Variants in INTU observed in about 807,000 individuals in gnomAD.
INTU encodes protein inturned.
INTU carries 68 observed loss-of-function variants against 100.5 expected under a neutral mutation model. The observed-to-expected ratio is 0.68, with a 90% confidence interval of 0.56 to 0.83. INTU has a LOEUF of 0.83. Ranked by LOEUF, INTU falls within the 40% of genes least tolerant of loss-of-function variation. INTU has a pLI of 0.00. For synonymous variants in INTU, 357 were observed against 395.7 expected (o/e 0.90, Z 1.16); for missense variants, 1,071 against 1,114.7 (o/e 0.96, Z 0.56).
chr4:127,677,705 C>T (rs1245569746), intron 6 of INTU, among the ~76,000 whole-genome samples: 1 of 152,114 alleles, frequency 6.6e-6, no homozygotes, highest in Non-Finnish European at 1.5e-5. Context: ...TCTCCTCCTC[C>T]AAAGGAACGC....
At chr4:127,636,412 A>C (rs1267399748) in intron 1 of INTU, among the ~76,000 whole-genome samples, 1 of 152,022 alleles carries the variant, frequency 6.6e-6, no homozygotes, top group Non-Finnish European at 1.5e-5. Context: ...CGAGTTCGAG[A>C]CCAGCCTGGC....
At position 127,682,333 on chromosome 4, in the gene INTU, A is replaced by T. The variant is rs535618288; in HGVS notation, c.1182-2076A>T. Among the ~76,000 whole-genome samples the T allele has an allele frequency of 1.5e-4, 23 of 152,254 alleles. No individual in the cohort carries two copies. In the East Asian group the frequency reaches 4.2e-3, roughly 28 times the overall value. ...TGTTTATTGCAGCACTATTCACAAT[A>T]GCAAAGACTTGGAACCAACCCAAAT... On this transcript the variant is annotated intron_variant, in intron 6 of 15. Transcript: ENST00000335251.
At chr4:127,690,570 T>A (rs2126235793) in intron 8 of INTU, among the ~76,000 whole-genome samples, 1 of 152,318 alleles carries the variant, frequency 6.6e-6, no homozygotes, top group Middle Eastern at 3.4e-3. Flanking sequence ...AGTTAGGAGA[T>A]TAAGAACAAT....
intron 8 of INTU, among the ~76,000 whole-genome samples, chr4:127,691,746 C>T (rs767676578): frequency 2.0e-5 from 3 of 151,562 alleles, no homozygotes; most frequent in African/African-American, 7.3e-5. Flanking sequence ...CTTGCCACCC[C>T]CTGCTCTTTC....
chr4:127,650,790 C>G (rs1018636927), intron 2 of INTU, among the ~76,000 whole-genome samples: 3 of 151,610 alleles, frequency 2.0e-5, no homozygotes, highest in Non-Finnish European at 4.4e-5. Context: ...CCTGAGGAAT[C>G]GCCACACTGA....
At chr4:127,660,126 T>C (rs774428364) in intron 3 of INTU, among the ~76,000 whole-genome samples, 2 of 152,076 alleles carry the variant, frequency 1.3e-5, no homozygotes, top group Admixed American at 1.3e-4. Flanking sequence ...GTGGTTGGGT[T>C]TGCAGTAGTC....
At chr4:127,705,132 A>G (rs773965362) in intron 10 of INTU, among the ~76,000 whole-genome samples, 5 of 152,186 alleles carry the variant, frequency 3.3e-5, no homozygotes, top group Non-Finnish European at 7.3e-5. Context: ...TAAATCTTAT[A>G]TAACATTTAG....
At chr4:127,707,650 TG>T (rs1420401207) in intron 12 of INTU, among the ~76,000 whole-genome samples, 2 of 152,054 alleles carry the variant, frequency 1.3e-5, no homozygotes, top group Non-Finnish European at 2.9e-5. Context: ...TGTCTGTGTG[TG>T]TGTGTGTGTA....
At chr4:127,654,339 A>C (rs1728069220) in intron 2 of INTU, among the ~76,000 whole-genome samples, 1 of 152,218 alleles carries the variant, frequency 6.6e-6, no homozygotes, top group Non-Finnish European at 1.5e-5. Context: ...ACATTTTGGC[A>C]TGATTTTGCA....
Position 127,713,952 on chromosome 4 carries a change from A to G in INTU, c.2576A>G (p.Asn859Ser), listed in dbSNP as rs1560622566. 5.0e-6 allele frequency: 8 copies of G among 1,608,176 alleles called. No homozygotes were observed. The highest frequency in any genetic ancestry group is 4.3e-6 in the Non-Finnish European group (5 of 1,175,668). The change falls in exon 15 of 16, where the codon AAT (asparagine) becomes AGT (serine). Residue 859 changes from asparagine to serine, a missense_variant. Coordinates refer to ENST00000335251, the MANE Select transcript of INTU (RefSeq NM_015693.4). ...TLVEEKKKGLNSGDHSDSAKS... is the reference protein window; with the variant it reads ...TLVEEKKKGLSSGDHSDSAKS... ...AATTTACAGAAAAAGAAAGGACTAA[A>G]TAGTGGAGACCATTCAGATTCTGCA...
intron 3 of INTU, among the ~76,000 whole-genome samples, chr4:127,662,531 A>C (rs756342188): frequency 6.6e-6 from 1 of 152,140 alleles, no homozygotes; most frequent in Non-Finnish European, 1.5e-5. Context: ...TCTTTGACCA[A>C]TTGGTATCTA....
chr4:127,664,799 T>C (rs2126201401), intron 4 of INTU, among the ~76,000 whole-genome samples: 1 of 152,152 alleles, frequency 6.6e-6, no homozygotes, highest in Admixed American at 6.5e-5. Flanking sequence ...AATCTGGCAG[T>C]CTCTGTCTTC....
At chr4:127,657,069 C>T (rs11734340) in intron 3 of INTU, among the ~76,000 whole-genome samples, 6,781 of 152,122 alleles carry the variant, frequency 0.045, 209 homozygotes, top group Non-Finnish European at 0.073. Flanking sequence ...GTTTTCTGTT[C>T]TCTGACTTAC....
intron 14 of INTU, among the ~76,000 whole-genome samples, chr4:127,712,805 GCCTGAGGTCTGCCT>G (rs1480621771): frequency 6.6e-6 from 1 of 152,200 alleles, no homozygotes; most frequent in Non-Finnish European, 1.5e-5. Context: ...GAGCATTACC[GCCTGAGGTCTGCCT>G]CCTGTCAGGT....
intron 4 of INTU, among the ~76,000 whole-genome samples, chr4:127,668,237 A>G (rs933130797): frequency 1.3e-5 from 2 of 152,142 alleles, no homozygotes. Flanking sequence ...GTATTAGCAC[A>G]GCGCACATCC....
chr4:127,699,334 G>C (rs1274054848), intron 8 of INTU: 1 of 152,182 alleles, frequency 6.6e-6, no homozygotes, highest in Non-Finnish European at 1.5e-5. Context: ...ATACATGAAA[G>C]AGTTCAGGCA....
In INTU at chr4:127,705,217, TATAA is replaced by T. The variant is rs1201058472; in HGVS notation, c.1567-372_1567-369del. ...TTTAAAAAAGGATTTTTAAACACAA[TATAA>T]AACACATCTAACAAAGAAGCAATAG... On this transcript the variant is annotated intron_variant, in intron 10 of 15. Transcript: ENST00000335251. Among the ~76,000 whole-genome samples the T allele has an allele frequency of 4.6e-5, 7 of 152,250 alleles. No homozygotes were observed. The South Asian group carries it at 1.5e-3, about 32-fold the overall frequency.
chr4:127,649,529 G>A (rs1019582337), intron 2 of INTU, among the ~76,000 whole-genome samples: 2 of 150,516 alleles, frequency 1.3e-5, no homozygotes, highest in African/African-American at 4.9e-5. Flanking sequence ...TTTTAATATT[G>A]CATTATACTT....
intron 6 of INTU, among the ~76,000 whole-genome samples, chr4:127,682,865 T>C (rs1236787732): frequency 6.6e-6 from 1 of 152,194 alleles, no homozygotes; most frequent in South Asian, 2.1e-4. Flanking sequence ...AAAACATGTC[T>C]CTTTAAGACT....
Sources: allele counts gnomAD v4.1 joint callset (sites outside exome capture counted in the v4.1 genomes callset), GRCh38; gene constraint gnomAD v4.1.1; transcripts MANE v1.5; gene names NCBI Gene and HGNC (gene_info 2026-07-23, HGNC 2026-07-21).